Variants in CAMK4 observed in about 807,000 individuals in gnomAD.
CAMK4 encodes calcium/calmodulin-dependent protein kinase type IV.
In CAMK4, 22 loss-of-function variants were observed where a neutral mutation model predicts 44.9. That is an observed-to-expected ratio of 0.49 (90% CI 0.35 to 0.70). CAMK4 has a LOEUF of 0.70. Ranked by LOEUF, CAMK4 falls within the 30% of genes least tolerant of loss-of-function variation. The pLI is 0.01. For synonymous variants in CAMK4, 218 were observed against 215.4 expected (o/e 1.01, Z -0.11); for missense variants, 498 against 586.8 (o/e 0.85, Z 1.56).
At chr5:111,298,422 A>T (rs1747577825) in intron 1 of CAMK4, among the ~76,000 whole-genome samples, 1 of 152,228 alleles carries the variant, frequency 6.6e-6, no homozygotes, top group African/African-American at 2.4e-5. Flanking sequence ...ACCCAATGAG[A>T]GAATTCAACT....
intron 4 of CAMK4, among the ~76,000 whole-genome samples, chr5:111,384,597 T>C (rs1220697464): frequency 6.6e-6 from 1 of 152,142 alleles, no homozygotes; most frequent in Non-Finnish European, 1.5e-5. Context: ...TCCCCTTCCC[T>C]GTGAACTGAT....
chr5:111,227,078 C>A (rs755588246), intron 1 of CAMK4, among the ~76,000 whole-genome samples: 26 of 152,272 alleles, frequency 1.7e-4, no homozygotes, highest in Non-Finnish European at 2.8e-4. Flanking sequence ...GTTTTCTGTA[C>A]ATGGCAGCAT....
intron 5 of CAMK4, among the ~76,000 whole-genome samples, chr5:111,429,601 G>A (rs1167419513): frequency 2.6e-5 from 4 of 151,068 alleles, no homozygotes; most frequent in South Asian, 2.1e-4. Context: ...GGCGAAACCC[G>A]ATCTCTACCA....
At chr5:111,428,937 G>A (rs553643117) in intron 5 of CAMK4, among the ~76,000 whole-genome samples, 30 of 152,100 alleles carry the variant, frequency 2.0e-4, no homozygotes, top group African/African-American at 7.2e-4. Flanking sequence ...GAAATATCTT[G>A]AAACAAATGA....
chr5:111,349,914 T>G lies in CAMK4; in HGVS notation c.240+5812T>G, dbSNP rs563542155. 2.5e-4 allele frequency among the ~76,000 whole-genome samples: 38 copies of G among 152,162 alleles called. No homozygotes were observed. The South Asian group carries it at 2.7e-3, about 11-fold the overall frequency. ...ACTCTTGGAAAAGCTTGTATTAATC[T>G]AACTATAAAATACATGCCTCTCATG... On this transcript the variant is annotated intron_variant, in intron 2 of 10. Transcript: ENST00000282356.
At chr5:111,264,345 T>G (rs1052468233) in intron 1 of CAMK4, among the ~76,000 whole-genome samples, 3 of 152,212 alleles carry the variant, frequency 2.0e-5, no homozygotes, top group African/African-American at 7.2e-5. Context: ...GTCAGCTGCC[T>G]GGGTGGTTGA....
intron 2 of CAMK4, among the ~76,000 whole-genome samples, chr5:111,370,609 C>T (rs1182159184): frequency 6.6e-6 from 1 of 152,094 alleles, no homozygotes; most frequent in Non-Finnish European, 1.5e-5. Flanking sequence ...GTGACAAATA[C>T]ATTTATTTGA....
intron 1 of CAMK4, among the ~76,000 whole-genome samples, chr5:111,234,008 G>A (rs1295333363): frequency 1.3e-5 from 2 of 151,914 alleles, no homozygotes; most frequent in African/African-American, 4.8e-5. Context: ...TTTATTTTTG[G>A]ATGTTTTAAA....
At chr5:111,401,022 T>C (rs1311491947) in intron 5 of CAMK4, among the ~76,000 whole-genome samples, 3 of 152,300 alleles carry the variant, frequency 2.0e-5, no homozygotes. Flanking sequence ...GATACAGCCT[T>C]TCTTCCCTTT....
chr5:111,340,584 C>T (rs575889720), intron 1 of CAMK4, among the ~76,000 whole-genome samples: 1 of 151,192 alleles, frequency 6.6e-6, no homozygotes, highest in Non-Finnish European at 1.5e-5. Context: ...GATGAATGAG[C>T]CTTTCAATGT....
chr5:111,431,242 C>T (rs1042126695), intron 5 of CAMK4, among the ~76,000 whole-genome samples: 1 of 152,034 alleles, frequency 6.6e-6, no homozygotes, highest in African/African-American at 2.4e-5. Flanking sequence ...ACAAAGGTGC[C>T]AAGAACATAC....
chr5:111,477,428 C>G (rs991131937), intron 8 of CAMK4, among the ~76,000 whole-genome samples: 1 of 152,182 alleles, frequency 6.6e-6, no homozygotes, highest in African/African-American at 2.4e-5. Flanking sequence ...GTCTTTTATT[C>G]ATCCTCCCTC....
intron 5 of CAMK4, among the ~76,000 whole-genome samples, chr5:111,416,888 G>C (rs1210661909): frequency 1.3e-5 from 2 of 152,020 alleles, no homozygotes; most frequent in African/African-American, 2.4e-5. Context: ...ATTTAGAGTA[G>C]AATTTTGACA....
upstream of CAMK4, chr5:111,224,381 CCT>C (rs980708866): frequency 2.3e-5 from 32 of 1,405,300 alleles, no homozygotes; most frequent in African/African-American, 7.6e-5. The surrounding 1 kb of genome is among the most constrained non-coding windows in gnomAD (Gnocchi z 5.7). Context: ...AAGGACGCCG[CCT>C]CTCTCTCGCT....
At chr5:111,425,381 G>C (rs940505993) in intron 5 of CAMK4, among the ~76,000 whole-genome samples, 2 of 152,210 alleles carry the variant, frequency 1.3e-5, no homozygotes, top group African/African-American at 4.8e-5. Context: ...CACAGGTGGT[G>C]CCAGAGCCTA....
At chr5:111,423,997 C>T (rs1427202846) in intron 5 of CAMK4, among the ~76,000 whole-genome samples, 1 of 152,204 alleles carries the variant, frequency 6.6e-6, no homozygotes, top group Non-Finnish European at 1.5e-5. Flanking sequence ...TCCAAGATCA[C>T]ACAGCTGGTC....
At chr5:111,330,622 A>G (rs565396267) in intron 1 of CAMK4, among the ~76,000 whole-genome samples, 15 of 151,824 alleles carry the variant, frequency 9.9e-5, no homozygotes, top group Admixed American at 2.0e-4. Context: ...GATTTAAAGT[A>G]TAAGGGGGAA....
chr5:111,294,215 A>G (rs899653136), intron 1 of CAMK4, among the ~76,000 whole-genome samples: 1 of 152,194 alleles, frequency 6.6e-6, no homozygotes, highest in African/African-American at 2.4e-5. Flanking sequence ...TAATAGCCCC[A>G]TACATTAATA....
chr5:111,273,677 TTA>T (rs1160351356), intron 1 of CAMK4, among the ~76,000 whole-genome samples: 2,224 of 41,090 alleles, frequency 0.054, 48 homozygotes, highest in Non-Finnish European at 0.084. Flanking sequence ...AAAAATGCAT[TTA>T]TATATATATA....
Sources: gnomAD v4.1 joint callset for allele counts (sites outside exome capture counted in the v4.1 genomes callset) on GRCh38, gnomAD v4.1.1 for gene constraint, Gnocchi (gnomAD v3.1) non-coding constraint, MANE v1.5 for transcripts, NCBI Gene and HGNC (gene_info 2026-07-23, HGNC 2026-07-21) for gene names.